Variants in TOLLIP observed in about 807,000 individuals in gnomAD.
TOLLIP encodes toll interacting protein.
In TOLLIP, 16 loss-of-function variants were observed where a neutral mutation model predicts 33.5. The ratio of observed to expected loss-of-function variants is 0.48; its 90% CI spans 0.32 to 0.72. The LOEUF (loss-of-function observed/expected upper bound fraction) is 0.72, where lower values mean the gene tolerates loss of function less well. Ranked by LOEUF, TOLLIP falls within the 30% of genes least tolerant of loss-of-function variation. TOLLIP has a pLI of 0.03. For missense variants in TOLLIP, 325 were observed against 396.6 expected, an observed-to-expected ratio of 0.82 and a Z score of 1.53; for synonymous variants, 176 against 163.7, an observed-to-expected ratio of 1.07 and a Z score of -0.57.
In TOLLIP at chr11:1,281,801, G is replaced by A. The variant is rs530887663; in HGVS notation, c.610+4201C>T. 2.6e-5 allele frequency among the ~76,000 whole-genome samples: 4 copies of A among 152,348 alleles called. No homozygotes were observed. The East Asian group carries it at 7.7e-4, about 29-fold the overall frequency. ...GTCATAAACACTTGAAACTGTGGGC[G>A]ACACACATGCTCTGGCCAAGATGCA... On this transcript the variant is annotated intron_variant, in intron 5 of 5. Transcript: ENST00000317204.
chr11:1,286,242 C>T (rs75621936), intron 4 of TOLLIP, 150 bp from the exon 5 acceptor site: 6,761 of 633,366 alleles, frequency 0.011, 221 homozygotes, highest in East Asian at 0.076. Flanking sequence ...TACACGAGCC[C>T]TGAGTGCACA....
Position 1,290,460 on chromosome 11 carries a change from G to A in TOLLIP, c.184-51C>T, listed in dbSNP as rs1233168638. ...AGGAGGTGCCAACCATCAGGAGAGG[G>A]TGGGTTCTCTAGGCCGTCTGCCTCC... On this transcript the variant is annotated intron_variant, in intron 2 of 5. Transcript: ENST00000317204. This position sits in a 1 kb window ranked among gnomAD's most constrained non-coding sequence, Gnocchi z 4.9. 1 of 1,580,146 alleles carries A rather than the reference G, an allele frequency of 6.3e-7. No homozygotes were observed. Among genetic ancestry groups the A allele is most frequent in the African/African-American group, 1.3e-5 (1 of 74,398 alleles).
chr11:1,289,821 G>A (rs541153238), intron 3 of TOLLIP, among the ~76,000 whole-genome samples: 7 of 148,400 alleles, frequency 4.7e-5, no homozygotes, highest in Middle Eastern at 3.6e-3. Flanking sequence ...GCCCAGTGGC[G>A]GGGGACACAT....
At chr11:1,294,156 G>A (rs1248661806) in intron 2 of TOLLIP, among the ~76,000 whole-genome samples, 2 of 144,626 alleles carry the variant, frequency 1.4e-5, no homozygotes, top group Non-Finnish European at 3.0e-5. Context: ...ACAAAAGCCC[G>A]CATGGCTCAG....
At chr11:1,306,436 C>A (rs931181438) in intron 1 of TOLLIP, among the ~76,000 whole-genome samples, 1 of 152,116 alleles carries the variant, frequency 6.6e-6, no homozygotes, top group Non-Finnish European at 1.5e-5. Context: ...CAGGGTCTCC[C>A]GAGCCAGAGT....
At position 1,280,289 on chromosome 11, in the gene TOLLIP, C is replaced by T. The variant is rs576280891; in HGVS notation, c.611-3036G>A. ...CCCTCTCTGGAACTCACAGGCGCTGCGAACGCCGGCTGCTCCCGTGCATGG... is the reference window on the plus strand; with the variant it reads ...CCCTCTCTGGAACTCACAGGCGCTGTGAACGCCGGCTGCTCCCGTGCATGG... On this transcript the variant is annotated intron_variant, in intron 5 of 5. Coordinates refer to ENST00000317204, the MANE Select transcript of TOLLIP (RefSeq NM_019009.4). Among the ~76,000 whole-genome samples, 225 of 152,360 alleles carry T rather than the reference C, an allele frequency of 1.5e-3. 1 individual carries two copies. Among genetic ancestry groups the T allele is most frequent in the African/African-American group, 5.0e-3 (207 of 41,582 alleles).
At chr11:1,301,910 T>C (rs898294275) in intron 1 of TOLLIP, among the ~76,000 whole-genome samples, 3 of 152,336 alleles carry the variant, frequency 2.0e-5, no homozygotes, top group African/African-American at 4.8e-5. Context: ...TCAAAGCCTC[T>C]TGGGCGAGGT....
At chr11:1,297,907 A>C (rs907443631) in intron 1 of TOLLIP, among the ~76,000 whole-genome samples, 6 of 152,290 alleles carry the variant, frequency 3.9e-5, no homozygotes, top group South Asian at 4.1e-4. Context: ...CTGTTGGCAC[A>C]CAGGAAACAC....
rs975086854 is a variant in TOLLIP at position 1,276,386 on chromosome 11, C to T, written c.*653G>A. 30 of 225,930 alleles carry T rather than the reference C, an allele frequency of 1.3e-4. No individual in the cohort carries two copies. The highest frequency in any genetic ancestry group is 6.5e-4 in the African/African-American group (28 of 43,384). 14.0% of individuals were successfully genotyped at this position (225,930 alleles called of 1,614,324 possible). On this transcript the variant is annotated 3_prime_UTR_variant, in exon 6 of 6. Coordinates refer to ENST00000317204, the MANE Select transcript of TOLLIP (RefSeq NM_019009.4). ...AGAGCCTGGCCAACCGTGCCAGGCC[C>T]CCTTCCTCACTCCAGGTGTGGGTTC...
intron 2 of TOLLIP, among the ~76,000 whole-genome samples, chr11:1,292,472 C>T (rs1428581992): frequency 1.3e-5 from 2 of 152,382 alleles, no homozygotes; most frequent in Middle Eastern, 3.4e-3. Context: ...GCTTCTGCCA[C>T]ACTCAGCGTC....
chr11:1,286,140 C>T (rs763336098), intron 4 of TOLLIP, 48 bp from the exon 5 acceptor site: 5 of 1,451,490 alleles, frequency 3.4e-6, no homozygotes, highest in Non-Finnish European at 4.7e-6. Context: ...AACATCCACC[C>T]ATCAGAACCT....
intron 1 of TOLLIP, among the ~76,000 whole-genome samples, chr11:1,307,708 G>C (rs767732605): frequency 6.6e-6 from 1 of 152,294 alleles, no homozygotes; most frequent in East Asian, 1.9e-4. Flanking sequence ...TGGCTGCCAC[G>C]GCAACTTGCG....
At chr11:1,297,075 G>A (rs189626375) in intron 1 of TOLLIP, among the ~76,000 whole-genome samples, 65 of 152,122 alleles carry the variant, frequency 4.3e-4, no homozygotes, top group Non-Finnish European at 8.5e-4. Context: ...CAGGGGCCCC[G>A]GTCAGCGCCA....
At chr11:1,289,031 G>C (rs1863844916) in intron 3 of TOLLIP, among the ~76,000 whole-genome samples, 1 of 152,214 alleles carries the variant, frequency 6.6e-6, no homozygotes, top group Non-Finnish European at 1.5e-5. Context: ...TCTGGGGCTG[G>C]GGAAAGCGAG....
At chr11:1,285,001 A>G (rs1169232790) in intron 5 of TOLLIP, among the ~76,000 whole-genome samples, 2 of 152,126 alleles carry the variant, frequency 1.3e-5, no homozygotes, top group African/African-American at 4.8e-5. Context: ...GGTGCTGACC[A>G]GGCCTCTCCA....
chr11:1,295,949 G>A (rs1179933005), intron 1 of TOLLIP, among the ~76,000 whole-genome samples, 155 bp from the exon 2 acceptor site: 1 of 151,692 alleles, frequency 6.6e-6, no homozygotes, highest in African/African-American at 2.4e-5. Context: ...ATCTCTAAAC[G>A]GAGGGGTCAA....
chr11:1,302,532 T>C, intron 1 of TOLLIP: 1 of 970,132 alleles, frequency 1.0e-6, no homozygotes, highest in Non-Finnish European at 1.2e-6. Context: ...AGCTGCTGGC[T>C]CCCTCACCCA....
intron 1 of TOLLIP, among the ~76,000 whole-genome samples, chr11:1,304,573 C>T (rs779063448): frequency 1.8e-4 from 27 of 152,206 alleles, no homozygotes; most frequent in Non-Finnish European, 3.1e-4. Context: ...CGCGTGGATC[C>T]GGAGGTGGCA....
intron 1 of TOLLIP, among the ~76,000 whole-genome samples, chr11:1,298,876 C>G (rs776280277): frequency 2.6e-5 from 4 of 152,244 alleles, no homozygotes; most frequent in Non-Finnish European, 4.4e-5. Context: ...AATCCCTGAC[C>G]AGTCAGTCGT....
Sources: allele counts gnomAD v4.1 joint callset (sites outside exome capture counted in the v4.1 genomes callset), GRCh38; gene constraint gnomAD v4.1.1; non-coding constraint Gnocchi (gnomAD v3.1); transcripts MANE v1.5; gene names NCBI Gene and HGNC (gene_info 2026-07-23, HGNC 2026-07-21).